SNX29: variants seen among roughly 807,000 people sequenced by gnomAD.
SNX29 encodes the protein sorting nexin-29.
SNX29 carries 78 observed loss-of-function variants against 102.1 expected under a neutral mutation model. The ratio of observed to expected loss-of-function variants is 0.76; its 90% confidence interval spans 0.64 to 0.92. The LOEUF (loss-of-function observed/expected upper bound fraction) is 0.92. Among genes scored for constraint, SNX29 ranks in the 40% least tolerant of loss-of-function variants. The pLI is 0.00. For synonymous variants in SNX29, 580 were observed against 414.5 expected, an observed-to-expected ratio of 1.40 and a Z score of -4.85; for missense variants, 1,280 against 1,061.7, an observed-to-expected ratio of 1.21 and a Z score of -2.86.
At chr16:12,379,144 A>G (rs2151417535) in intron 16 of SNX29, among the ~76,000 whole-genome samples, 1 of 152,242 alleles carries the variant, frequency 6.6e-6, no homozygotes, top group South Asian at 2.1e-4. Context: ...AAAAATAGAT[A>G]ATGAACTTAT....
chr16:12,551,630 C>A (rs1051098551), intron 20 of SNX29, among the ~76,000 whole-genome samples: 1 of 152,186 alleles, frequency 6.6e-6, no homozygotes, highest in South Asian at 2.1e-4. Flanking sequence ...GAGGCATCAA[C>A]CCAGCAAGTA....
intron 11 of SNX29, among the ~76,000 whole-genome samples, chr16:12,110,933 C>T (rs1327339499): frequency 6.6e-6 from 1 of 152,038 alleles, no homozygotes; most frequent in African/African-American, 2.4e-5. Context: ...AAGCGACCCT[C>T]CTGGCTCAGA....
chr16:12,370,065 A>G (rs377441472), intron 16 of SNX29, among the ~76,000 whole-genome samples: 1 of 151,608 alleles, frequency 6.6e-6, no homozygotes, highest in East Asian at 1.9e-4. Flanking sequence ...TACTAAAAAT[A>G]CGAAAAAGTA....
chr16:12,335,830 TC>T (rs1436637223), intron 15 of SNX29, among the ~76,000 whole-genome samples: 1 of 152,204 alleles, frequency 6.6e-6, no homozygotes, highest in African/African-American at 2.4e-5. Flanking sequence ...TAGTTATCCT[TC>T]CCGTTTACTA....
chr16:12,389,063 T>A (rs1300452500), intron 16 of SNX29, among the ~76,000 whole-genome samples: 2 of 152,178 alleles, frequency 1.3e-5, no homozygotes, highest in African/African-American at 4.8e-5. Context: ...AATTTTTACA[T>A]CATAGTTTTC....
chr16:12,368,715 C>G (rs889636031), intron 16 of SNX29, among the ~76,000 whole-genome samples: 1 of 152,228 alleles, frequency 6.6e-6, no homozygotes, highest in East Asian at 1.9e-4. Context: ...CCCCTCCGTT[C>G]TACCTGTCCT....
chr16:12,517,279 A>G (rs1049803421), intron 19 of SNX29, among the ~76,000 whole-genome samples: 3 of 152,144 alleles, frequency 2.0e-5, no homozygotes, highest in Admixed American at 6.5e-5. Flanking sequence ...CAGAAAACTC[A>G]CAGATCCCTC....
intron 15 of SNX29, among the ~76,000 whole-genome samples, chr16:12,341,526 T>G (rs1195267703): frequency 6.6e-6 from 1 of 152,196 alleles, no homozygotes; most frequent in African/African-American, 2.4e-5. Context: ...TTTAACAAAA[T>G]AAAAGCTTAT....
chr16:12,329,898 A>G (rs745642347), intron 15 of SNX29, among the ~76,000 whole-genome samples: 7 of 152,166 alleles, frequency 4.6e-5, no homozygotes, highest in Non-Finnish European at 1.0e-4. Context: ...AAGACGCGTT[A>G]ACAGTTATTT....
chr16:12,354,949 C>T (rs2082089772), intron 15 of SNX29, among the ~76,000 whole-genome samples: 1 of 152,170 alleles, frequency 6.6e-6, no homozygotes, highest in South Asian at 2.1e-4. Flanking sequence ...ATATTTCACA[C>T]TGGTTTGAAA....
intron 20 of SNX29, among the ~76,000 whole-genome samples, chr16:12,550,513 A>G (rs931185288): frequency 1.6e-4 from 24 of 145,938 alleles, no homozygotes; most frequent in African/African-American, 6.0e-4. Context: ...CCAGTCTGGG[A>G]GACACAGTCT....
intron 14 of SNX29, among the ~76,000 whole-genome samples, chr16:12,251,548 C>G (rs1029887596): frequency 1.3e-5 from 2 of 152,044 alleles, no homozygotes; most frequent in South Asian, 4.2e-4. Context: ...ACTACAAATA[C>G]AAAAATTAGC....
At chr16:12,405,805 G>A (rs1348673365) in intron 18 of SNX29, among the ~76,000 whole-genome samples, 8 of 151,820 alleles carry the variant, frequency 5.3e-5, no homozygotes, top group Admixed American at 2.6e-4. Context: ...AGGCTGAGGC[G>A]GGTGGATCGC....
At chr16:12,165,887 A>G (rs2055998909) in intron 13 of SNX29, among the ~76,000 whole-genome samples, 1 of 152,228 alleles carries the variant, frequency 6.6e-6, no homozygotes, top group African/African-American at 2.4e-5. Context: ...CTTCTGACTG[A>G]TGAGAGTCAG....
intron 9 of SNX29, among the ~76,000 whole-genome samples, chr16:12,066,296 G>A (rs1345574522): frequency 2.6e-5 from 4 of 152,192 alleles, no homozygotes; most frequent in African/African-American, 7.2e-5. Context: ...CCACGGGGCA[G>A]TGGACACGAC....
intron 3 of SNX29, among the ~76,000 whole-genome samples, chr16:12,013,402 G>A: frequency 6.8e-6 from 1 of 146,456 alleles, no homozygotes; most frequent in African/African-American, 2.5e-5. Context: ...CCAGCACTTT[G>A]GGAGGCTGAG....
chr16:12,375,106 A>G (rs74393823), intron 16 of SNX29: 14,264 of 152,096 alleles, frequency 0.094, 1,435 homozygotes, highest in African/African-American at 0.25. Context: ...TGCAAGTGGG[A>G]GGCGAGTGTA....
At chr16:12,013,500 A>AAAATATATATATATAT in intron 3 of SNX29, among the ~76,000 whole-genome samples, 26 of 31,612 alleles carry the variant, frequency 8.2e-4, no homozygotes, top group Admixed American at 1.1e-3. Context: ...AAAAAAAAAA[A>AAAATATATATATATAT]ATATATATAT....
At position 12,261,651 on chromosome 16, in the gene SNX29, T is replaced by G. The variant is rs560869684; in HGVS notation, c.1679-16282T>G. Among the ~76,000 whole-genome samples the G allele has an allele frequency of 2.3e-5, 3 of 132,044 alleles. No individual in the cohort carries two copies. The South Asian group carries it at 8.2e-4, about 36-fold the overall frequency. 86.6% of individuals were successfully genotyped at this position (132,044 alleles called of 152,430 possible). On this transcript the variant is annotated intron_variant, in intron 14 of 20. Transcript: ENST00000566228. The stretch of plus-strand genomic sequence containing the variant: ...GTCCCCGGCTGGAGTGAGTGGTTCC[T>G]GAGCTCGGGTCTGCACGTGTCCCCG...
Sources: gnomAD v4.1 joint callset for allele counts (sites outside exome capture counted in the v4.1 genomes callset) on GRCh38, gnomAD v4.1.1 for gene constraint, MANE v1.5 for transcripts, NCBI Gene and HGNC (gene_info 2026-07-23, HGNC 2026-07-21) for gene names.